Variants in DRICH1 observed in about 807,000 individuals in gnomAD.
The protein encoded by DRICH1 is aspartate rich 1, also known as aspartate-rich protein 1.
In DRICH1, 38 loss-of-function variants were observed where a neutral mutation model predicts 39.5. The ratio of observed to expected loss-of-function variants is 0.96; its 90% CI spans 0.74 to 1.26. The LOEUF (loss-of-function observed/expected upper bound fraction) is 1.26, where lower values mean the gene tolerates loss of function less well. DRICH1 is among the 50% of genes most tolerant of loss of function. DRICH1 has a pLI of 0.00. For missense variants in DRICH1, 279 were observed against 270.4 expected (o/e 1.03, Z -0.22); for synonymous variants, 84 against 99.5 (o/e 0.84, Z 0.93).
Position 23,613,324 on chromosome 22 carries a change from G to A in DRICH1, c.650C>T (p.Thr217Met), listed in dbSNP as rs778369485. 2.1e-5 allele frequency: 34 copies of A among 1,612,768 alleles called. No individual in the cohort carries two copies. Among genetic ancestry groups the A allele is most frequent in the African/African-American group, 4.0e-5 (3 of 74,846 alleles). Residue 217 changes from threonine (T) to methionine (M), a missense_variant, in exon 11 of 12, where the codon ACG becomes ATG. Thr to Met is a moderately conservative substitution (Grantham distance 81, BLOSUM62 -1). Transcript: ENST00000317749. ...CTCTTCATCACTTAGACTCTCCAGCGTCAAGTCTTTAGAAACAAAAACACC... is the reference window on the plus strand; with the variant it reads ...CTCTTCATCACTTAGACTCTCCAGCATCAAGTCTTTAGAAACAAAAACACC... ...HITARIESDLTLESLSDEEIH... is the reference protein window; with the variant it reads ...HITARIESDLMLESLSDEEIH...
chr22:23,583,268 G>C, the DRICH1 span: 1 of 152,152 alleles, frequency 6.6e-6, no homozygotes, highest in Admixed American at 6.5e-5. Context: ...TTTCCCCAGC[G>C]GCTGATCTGC....
chr22:23,631,569 G>A (rs1436722066), intron 1 of DRICH1, among the ~76,000 whole-genome samples: 13 of 152,126 alleles, frequency 8.5e-5, no homozygotes, highest in Non-Finnish European at 1.8e-4. Context: ...ATGGGATGGG[G>A]ACTCCAAAAT....
At chr22:23,581,491 G>C in the DRICH1 span, 7 of 152,318 alleles carry the variant, frequency 4.6e-5, no homozygotes, top group Non-Finnish European at 1.0e-4. Flanking sequence ...AATGCTGCTG[G>C]CTCTGCTCAC....
intron 2 of DRICH1, among the ~76,000 whole-genome samples, chr22:23,625,555 G>C (rs1433494523): frequency 6.6e-6 from 1 of 152,084 alleles, no homozygotes; most frequent in Non-Finnish European, 1.5e-5. Context: ...CTGCAAAATA[G>C]CTCGCTTTGT....
At chr22:23,583,984 C>T in the DRICH1 span, 1 of 152,588 alleles carries the variant, frequency 6.6e-6, no homozygotes, top group Non-Finnish European at 1.5e-5. Context: ...CCCCCAGCCG[C>T]TCCCTTTCAG....
chr22:23,598,963 T>C, the DRICH1 span, among the ~76,000 whole-genome samples: 4 of 152,320 alleles, frequency 2.6e-5, no homozygotes, highest in South Asian at 4.1e-4. Flanking sequence ...CTCTGCCTCA[T>C]TCTTTGGGAT....
chr22:23,630,416 TC>T (rs1361355642), intron 1 of DRICH1, among the ~76,000 whole-genome samples: 4 of 149,502 alleles, frequency 2.7e-5, no homozygotes, highest in African/African-American at 9.7e-5. Flanking sequence ...TTCCACACTC[TC>T]TCTCTCTCTA....
intron 1 of DRICH1, among the ~76,000 whole-genome samples, chr22:23,629,992 G>A (rs887225717): frequency 1.3e-5 from 2 of 152,142 alleles, no homozygotes; most frequent in Non-Finnish European, 2.9e-5. Context: ...ATCCTTCCCT[G>A]CTTTGACCAA....
At chr22:23,589,471 T>G in the DRICH1 span, among the ~76,000 whole-genome samples, 1 of 140,474 alleles carries the variant, frequency 7.1e-6, no homozygotes, top group Middle Eastern at 3.5e-3. Flanking sequence ...CCAAAAAACA[T>G]ACATATGTAC....
downstream of DRICH1, among the ~76,000 whole-genome samples, chr22:23,605,469 G>A (rs1926675969): frequency 1.3e-5 from 2 of 152,182 alleles, no homozygotes. Context: ...GCTCGGGGAG[G>A]TGGCCCCTGC....
the DRICH1 span, among the ~76,000 whole-genome samples, chr22:23,585,729 G>A: frequency 6.6e-6 from 1 of 151,968 alleles, no homozygotes; most frequent in African/African-American, 2.4e-5. Context: ...TGTGTTGCCC[G>A]GGCTGGACTC....
At chr22:23,626,133 G>A in intron 1 of DRICH1, 85 bp from the exon 2 acceptor site, 1 of 903,990 alleles carries the variant, frequency 1.1e-6, no homozygotes, top group Non-Finnish European at 1.8e-6. Flanking sequence ...GCGGCACATG[G>A]AGCGTGGGAC....
chr22:23,617,826 T>C (rs1194234313), intron 6 of DRICH1, among the ~76,000 whole-genome samples, 169 bp from the exon 7 acceptor site: 5 of 152,158 alleles, frequency 3.3e-5, no homozygotes, highest in Admixed American at 3.3e-4. Flanking sequence ...CATGGAGGCC[T>C]TGGCCTTGTA....
At chr22:23,595,467 T>A in the DRICH1 span, among the ~76,000 whole-genome samples, 22 of 151,860 alleles carry the variant, frequency 1.4e-4, no homozygotes, top group South Asian at 4.6e-3. Context: ...TCACTCAGAG[T>A]CACCCGAGCA....
the DRICH1 span, among the ~76,000 whole-genome samples, chr22:23,600,703 C>T: frequency 8.9e-5 from 13 of 145,374 alleles, no homozygotes; most frequent in South Asian, 4.4e-4. Flanking sequence ...GATGGAGTCT[C>T]GCTCTGTCGC....
the DRICH1 span, among the ~76,000 whole-genome samples, chr22:23,584,909 C>T: frequency 1.3e-5 from 2 of 152,128 alleles, no homozygotes; most frequent in African/African-American, 4.8e-5. Flanking sequence ...GAATCCCTCC[C>T]ACCTCAGCCT....
At chr22:23,604,641 C>T (rs986820135), downstream of DRICH1, among the ~76,000 whole-genome samples, 30 of 152,194 alleles carry the variant, frequency 2.0e-4, no homozygotes, top group African/African-American at 6.5e-4. Context: ...ACAGGGTCAG[C>T]TTTCCTCGTG....
chr22:23,601,707 C>G, the DRICH1 span, among the ~76,000 whole-genome samples: 1 of 152,106 alleles, frequency 6.6e-6, no homozygotes, highest in Non-Finnish European at 1.5e-5. Context: ...GGGAACTGGC[C>G]GGAGTACCTG....
chr22:23,625,498 C>A (rs184936350), intron 2 of DRICH1, among the ~76,000 whole-genome samples: 1 of 152,016 alleles, frequency 6.6e-6, no homozygotes, highest in African/African-American at 2.4e-5. Flanking sequence ...ACTTAGTTGC[C>A]CTCACTGGAA....
Sources: gnomAD v4.1 joint callset for allele counts (sites outside exome capture counted in the v4.1 genomes callset) on GRCh38, gnomAD v4.1.1 for gene constraint, MANE v1.5 for transcripts, NCBI Gene and HGNC (gene_info 2026-07-23, HGNC 2026-07-21) for gene names.